BSN: variants seen among roughly 807,000 people sequenced by gnomAD.
BSN encodes protein bassoon.
A neutral mutation model predicts 264.8 loss-of-function variants in BSN; 57 were observed. That is an observed-to-expected ratio of 0.22 (90% CI 0.17 to 0.27). The LOEUF (loss-of-function observed/expected upper bound fraction) is 0.27. Ranked by LOEUF, BSN falls within the 10% of genes least tolerant of loss-of-function variation. The probability of loss-of-function intolerance (pLI) is 1.00; values close to 1 mark genes in which losing one functional copy is unlikely to be tolerated. For synonymous variants in BSN, 2,059 were observed against 2,137.3 expected, an observed-to-expected ratio of 0.96 and a Z score of 1.01; for missense variants, 4,615 against 5,232.5, an observed-to-expected ratio of 0.88 and a Z score of 3.64.
rs1359174767 is a variant in BSN, at chr3:49,554,681, C to T, written c.79C>T (p.Pro27Ser). Residue 27 changes from proline to serine, a missense_variant, in exon 1 of 12, where the codon CCC becomes TCC. Coordinates refer to ENST00000296452, the MANE Select transcript of BSN (RefSeq NM_003458.4). ...CGGCGGCGCCGGCCCCGGCCCGGGC[C>T]CCGGCCCCGGCCCCGGCGCAGGAAA... is the stretch of plus-strand genomic sequence containing the variant. Reference protein sequence around the residue: ...PPGGAGPGPGPGPGPGAGKPP... With the variant: ...PPGGAGPGPGSGPGPGAGKPP... 2 of 1,037,440 alleles carry T rather than the reference C, an allele frequency of 1.9e-6. No homozygotes were observed. Among genetic ancestry groups the T allele is most frequent in the South Asian group, 4.1e-5 (1 of 24,154 alleles). 64.3% of individuals were successfully genotyped at this position (1,037,440 alleles called of 1,614,324 possible). A position where few individuals can be genotyped will look rare whatever the true frequency, so the allele number is the denominator to read the frequency against.
chr3:49,598,363 G>A (rs1232664316), intron 1 of BSN, among the ~76,000 whole-genome samples: 1 of 152,222 alleles, frequency 6.6e-6, no homozygotes, highest in Non-Finnish European at 1.5e-5. Flanking sequence ...ACTCTATGGA[G>A]TCTGTTTTCC....
intron 2 of BSN, among the ~76,000 whole-genome samples, chr3:49,631,832 A>G (rs1307057600): frequency 6.6e-6 from 1 of 152,122 alleles, no homozygotes; most frequent in East Asian, 1.9e-4. Context: ...CATTTAAAAC[A>G]CCCCTCTGAT....
At chr3:49,644,764 G>C (rs1304936189) in intron 3 of BSN, among the ~76,000 whole-genome samples, 1 of 152,148 alleles carries the variant, frequency 6.6e-6, no homozygotes, top group Non-Finnish European at 1.5e-5. Context: ...GAGGACTCCT[G>C]TCCCCAAGAG....
At chr3:49,633,770 A>G (rs1481368677) in intron 2 of BSN, among the ~76,000 whole-genome samples, 1 of 152,244 alleles carries the variant, frequency 6.6e-6, no homozygotes, top group Non-Finnish European at 1.5e-5. Context: ...GAGGAAGGAC[A>G]ATCTGACACA....
intron 1 of BSN, among the ~76,000 whole-genome samples, chr3:49,584,351 T>A (rs1484220713): frequency 6.6e-6 from 1 of 151,988 alleles, no homozygotes; most frequent in African/African-American, 2.4e-5. Flanking sequence ...TTCTATTCTG[T>A]ATTTCACCTC....
At chr3:49,591,469 C>G (rs1450828797) in intron 1 of BSN, among the ~76,000 whole-genome samples, 2 of 152,194 alleles carry the variant, frequency 1.3e-5, no homozygotes, top group Non-Finnish European at 2.9e-5. Flanking sequence ...TGCTTTCTGC[C>G]TAAATAACTT....
In BSN at chr3:49,625,306, A is replaced by G. The variant is rs1419309316; in HGVS notation, c.556A>G (p.Asn186Asp). The G allele has an allele frequency of 6.3e-7, 1 of 1,599,582 alleles. No individual in the cohort carries two copies. The highest frequency in any genetic ancestry group is 1.3e-5 in the African/African-American group (1 of 74,542). Residue 186 changes from asparagine to aspartate, a missense_variant, in exon 2 of 12, where the codon AAC (asparagine) becomes GAC (aspartate). By Grantham distance (23) the Asn-to-Asp change is conservative. Coordinates refer to ENST00000296452, the MANE Select transcript of BSN (RefSeq NM_003458.4). The surrounding 1 kb of genome is among the most constrained non-coding windows in gnomAD (Gnocchi z 4.4). ...CCTCACGTCGACCCCCAGCCAGCCA[A>G]ACTTCAACACCTGCACCCAGTGTCA... ...SDLTSTPSQPNFNTCTQCHNK... is the reference protein window; with the variant it reads ...SDLTSTPSQPDFNTCTQCHNK...
At chr3:49,575,881 A>G (rs536955117) in intron 1 of BSN, among the ~76,000 whole-genome samples, 19 of 152,052 alleles carry the variant, frequency 1.2e-4, no homozygotes, top group African/African-American at 4.3e-4. Flanking sequence ...TCTTTTTAGA[A>G]GATCCTAGAA....
intron 1 of BSN, 64 bp from the exon 2 acceptor site, chr3:49,624,911 A>C: frequency 2.1e-6 from 3 of 1,438,726 alleles, no homozygotes; most frequent in Non-Finnish European, 2.8e-6. Flanking sequence ...CTAGCTTGGT[A>C]GAGACCTCCG....
chr3:49,610,353 C>T (rs948316511), intron 1 of BSN, among the ~76,000 whole-genome samples: 5 of 151,970 alleles, frequency 3.3e-5, no homozygotes, highest in Admixed American at 6.6e-5. Context: ...TATTTCTAGG[C>T]GGGTGGATCA....
In BSN at chr3:49,655,077, C is replaced by T. The variant is rs1365664829; in HGVS notation, c.5521C>T (p.Pro1841Ser). 1 of 1,612,830 alleles carries T rather than the reference C, an allele frequency of 6.2e-7. No individual in the cohort carries two copies. The highest frequency in any genetic ancestry group is 8.5e-7 in the Non-Finnish European group (1 of 1,180,020). Residue 1841 changes from proline to serine, a missense_variant, in exon 5 of 12, where the codon CCC (proline) becomes TCC (serine). Pro to Ser is a moderately conservative substitution (Grantham distance 74). This residue lies in a region of BSN where 3,415 missense variants were observed against 3,866.4 expected (regional missense o/e 0.88). Transcript: ENST00000296452. ...PGPVPEPGAE[P>S]HRATPAELRS... is the part of the protein sequence containing the mutation. Reference sequence around the variant, plus strand: ...CCCAGTGCCAGAGCCAGGTGCCGAGCCCCACCGGGCCACCCCTGCAGAGCT... The same window carrying T: ...CCCAGTGCCAGAGCCAGGTGCCGAGTCCCACCGGGCCACCCCTGCAGAGCT...
rs1366801053 is a variant in BSN, at chr3:49,656,643, G to A, written c.7087G>A (p.Glu2363Lys). The A allele has an allele frequency of 3.7e-6, 6 of 1,609,402 alleles. No individual in the cohort carries two copies. The highest frequency in any genetic ancestry group is 5.1e-6 in the Non-Finnish European group (6 of 1,178,044). The change falls in exon 5 of 12, where the codon GAG (glutamate) becomes AAG (lysine). Residue 2363 changes from glutamate (E) to lysine (K), a missense_variant. Physicochemically the swap from Glu to Lys is moderately conservative, Grantham distance 56. Around this residue, in one of 3 missense-constraint regions of BSN, gnomAD observed 3,415 missense variants for 3,866.4 expected, o/e 0.88. Transcript: ENST00000296452. Reference protein sequence around the residue: ...GFEKEEASQEERQRKQQEQLL... With the variant: ...GFEKEEASQEKRQRKQQEQLL... Reference sequence around the variant, plus strand: ...CGAGAAAGAGGAAGCATCACAGGAGGAGAGGCAGCGGAAGCAACAGGAGCA... The same window carrying A: ...CGAGAAAGAGGAAGCATCACAGGAGAAGAGGCAGCGGAAGCAACAGGAGCA...
rs533016232 is a variant in BSN, at chr3:49,555,198, C to T, written c.224+372C>T. 4.6e-5 allele frequency among the ~76,000 whole-genome samples: 7 copies of T among 152,328 alleles called. No individual in the cohort carries two copies. The South Asian group carries it at 1.5e-3, about 32-fold the overall frequency. On this transcript the variant is annotated intron_variant, in intron 1 of 11. Transcript: ENST00000296452. ...AAACGTCCTCCCTGTCTGCTGGTGTCTGCATGTGTCCATTGTGCTGGGCCG... is the reference window on the plus strand; with the variant it reads ...AAACGTCCTCCCTGTCTGCTGGTGTTTGCATGTGTCCATTGTGCTGGGCCG...
intron 1 of BSN, among the ~76,000 whole-genome samples, chr3:49,572,139 G>A (rs1559594662): frequency 6.6e-6 from 1 of 152,166 alleles, no homozygotes; most frequent in Non-Finnish European, 1.5e-5. Flanking sequence ...GTTGACCATT[G>A]GACTTGTAGG....
At chr3:49,589,138 T>A (rs984226796) in intron 1 of BSN, among the ~76,000 whole-genome samples, 1 of 150,224 alleles carries the variant, frequency 6.7e-6, no homozygotes, top group Non-Finnish European at 1.5e-5. Flanking sequence ...GGTCTCGATC[T>A]CCTGACCTTG....
Position 49,654,954 on chromosome 3 carries a change from G to T in BSN, c.5398G>T (p.Ala1800Ser). ...PRGRPREAKFARYNLPNQVAP... is the reference protein window; with the variant it reads ...PRGRPREAKFSRYNLPNQVAP... The stretch of plus-strand genomic sequence containing the variant: ...GGGAAGACCCAGGGAGGCCAAGTTT[G>T]CCAGATATAACCTACCCAACCAAGT... Residue 1800 changes from alanine to serine, a missense_variant, in exon 5 of 12, where the codon GCC (alanine) becomes TCC (serine). Ala to Ser is a moderately conservative substitution (Grantham distance 99). Around this residue, in one of 3 missense-constraint regions of BSN, gnomAD observed 3,415 missense variants for 3,866.4 expected, o/e 0.88. Coordinates refer to ENST00000296452, the MANE Select transcript of BSN (RefSeq NM_003458.4). This position sits in a 1 kb window ranked among gnomAD's most constrained non-coding sequence, Gnocchi z 4.1. 1.2e-6 allele frequency: 2 copies of T among 1,611,876 alleles called. No individual in the cohort carries two copies. Among genetic ancestry groups the T allele is most frequent in the Non-Finnish European group, 1.7e-6 (2 of 1,178,948 alleles).
chr3:49,651,760 T>C lies in BSN; in HGVS notation c.2204T>C (p.Leu735Pro). 1.2e-6 allele frequency: 2 copies of C among 1,613,046 alleles called. No individual in the cohort carries two copies. The highest frequency in any genetic ancestry group is 1.7e-6 in the Non-Finnish European group (2 of 1,179,780). The stretch of plus-strand genomic sequence containing the variant: ...GTGGGGAGCAGCATGCGGCCTTTGC[T>C]GCAGGCCCAGGGCCTGGCCCCAAGT... ...HKVGSSMRPL[L>P]QAQGLAPSER... Residue 735 changes from leucine (L) to proline (P), a missense_variant, in exon 5 of 12, where the codon CTG becomes CCG. By Grantham distance (98) the Leu-to-Pro change is moderately conservative. This residue lies in a region of BSN where 1,197 missense variants were observed against 1,348.0 expected (regional missense o/e 0.89). Transcript: ENST00000296452. The surrounding 1 kb of genome is among the most constrained non-coding windows in gnomAD (Gnocchi z 5.4).
In BSN at chr3:49,652,780, G is replaced by A. The variant is rs766014933; in HGVS notation, c.3224G>A (p.Arg1075Gln). ...ATCCGCAGCACGGCCCGCAAGACCC[G>A]GCGGGACAAGGAAGAACTGCGGGCC... ...QRIRSTARKT[R>Q]RDKEELRAQR... The change falls in exon 5 of 12, where the codon CGG (arginine) becomes CAG (glutamine). Residue 1075 changes from arginine to glutamine, a missense_variant. By Grantham distance (43) the Arg-to-Gln change is conservative. Around this residue, in one of 3 missense-constraint regions of BSN, gnomAD observed 3,415 missense variants for 3,866.4 expected, o/e 0.88. Coordinates refer to ENST00000296452, the MANE Select transcript of BSN (RefSeq NM_003458.4). The A allele has an allele frequency of 1.2e-5, 19 of 1,549,892 alleles. No individual in the cohort carries two copies. The highest frequency in any genetic ancestry group is 3.9e-5 in the Admixed American group (2 of 51,608).
At position 49,652,264 on chromosome 3, in the gene BSN, C is replaced by A; in HGVS notation, c.2708C>A (p.Thr903Lys). Residue 903 changes from threonine to lysine, a missense_variant, in exon 5 of 12, where the codon ACG becomes AAG. By Grantham distance (78) the Thr-to-Lys change is moderately conservative. Around this residue, in one of 3 missense-constraint regions of BSN, gnomAD observed 1,197 missense variants for 1,348.0 expected, o/e 0.89. Coordinates refer to ENST00000296452, the MANE Select transcript of BSN (RefSeq NM_003458.4). Reference sequence around the variant, plus strand: ...AGGCGCCTGCCCCACAATGCCACCACGGGCTATGAGGAGCTGCTCCCTGAG... The same window carrying A: ...AGGCGCCTGCCCCACAATGCCACCAAGGGCTATGAGGAGCTGCTCCCTGAG... ...PKRRLPHNAT[T>K]GYEELLPEGG... The A allele has an allele frequency of 6.2e-7, 1 of 1,602,626 alleles. No homozygotes were observed.
Sources: gnomAD v4.1 joint callset for allele counts (sites outside exome capture counted in the v4.1 genomes callset) on GRCh38, gnomAD v4.1.1 for gene constraint, gnomAD v4.1.1 regional missense constraint, Gnocchi (gnomAD v3.1) non-coding constraint, MANE v1.5 for transcripts, NCBI Gene and HGNC (gene_info 2026-07-23, HGNC 2026-07-21) for gene names.